Variants in PUM2 observed in about 807,000 individuals in gnomAD.
PUM2 encodes pumilio homolog 2.
In PUM2, 57 loss-of-function variants were observed where a neutral mutation model predicts 124.5. That is an observed-to-expected ratio of 0.46 (90% CI 0.37 to 0.57). The LOEUF is 0.57. Ranked by LOEUF, PUM2 falls within the 20% of genes least tolerant of loss-of-function variation. The pLI, the probability that PUM2 is intolerant of heterozygous loss-of-function variation, is 0.00. For synonymous variants in PUM2, 460 were observed against 446.1 expected, an observed-to-expected ratio of 1.03 and a Z score of -0.39; for missense variants, 1,065 against 1,290.6, an observed-to-expected ratio of 0.83 and a Z score of 2.68.
At chr2:20,260,614 A>G in intron 14 of PUM2, 148 bp from the exon 15 acceptor site, 1 of 620,046 alleles carries the variant, frequency 1.6e-6, no homozygotes, top group East Asian at 3.2e-5. Flanking sequence ...AGCAAAAAGG[A>G]CAAAAGTTAT....
chr2:20,272,884 T>C (rs986461346), intron 13 of PUM2, among the ~76,000 whole-genome samples: 6 of 152,184 alleles, frequency 3.9e-5, no homozygotes, highest in African/African-American at 1.4e-4. Context: ...CTGGATCCAT[T>C]CCTAGATATA....
chr2:20,271,551 C>A (rs1438489095), intron 13 of PUM2, among the ~76,000 whole-genome samples: 1 of 152,064 alleles, frequency 6.6e-6, no homozygotes, highest in African/African-American at 2.4e-5. Flanking sequence ...TGAGCTCAAG[C>A]AATACTCCCG....
chr2:20,255,414 T>TA, intron 17 of PUM2, 73 bp from the exon 18 acceptor site: 2 of 1,444,538 alleles, frequency 1.4e-6, no homozygotes, highest in Non-Finnish European at 1.9e-6. Flanking sequence ...CAGACTGGTT[T>TA]GTTTTTTTTT....
intron 9 of PUM2, 102 bp from the exon 10 acceptor site, chr2:20,290,892 T>A: frequency 1.1e-6 from 1 of 943,796 alleles, no homozygotes; most frequent in Non-Finnish European, 1.5e-6. Context: ...TTTGGATATT[T>A]TTTAAACATT....
intron 15 of PUM2, among the ~76,000 whole-genome samples, chr2:20,259,233 GGATT>G (rs1480793137): frequency 6.6e-6 from 1 of 152,122 alleles, no homozygotes; most frequent in Non-Finnish European, 1.5e-5. Flanking sequence ...ATATGAATCA[GGATT>G]AATAGCAAAT....
chr2:20,254,768 G>A, intron 19 of PUM2, 95 bp downstream of exon 19: 1 of 1,307,544 alleles, frequency 7.6e-7, no homozygotes, highest in Non-Finnish European at 1.0e-6. Flanking sequence ...AAAGACTACA[G>A]TTTAATGCTA....
At chr2:20,282,494 A>T (rs1671773016) in intron 12 of PUM2, among the ~76,000 whole-genome samples, 1 of 152,182 alleles carries the variant, frequency 6.6e-6, no homozygotes. Flanking sequence ...GGCCAAATTT[A>T]AAAACTGTAA....
intron 5 of PUM2, among the ~76,000 whole-genome samples, chr2:20,310,218 G>A (rs1299086834): frequency 6.6e-6 from 1 of 151,886 alleles, no homozygotes; most frequent in African/African-American, 2.4e-5. Flanking sequence ...AACTAATACT[G>A]TATCTAAAAT....
intron 7 of PUM2, among the ~76,000 whole-genome samples, chr2:20,298,521 T>C (rs1384168977): frequency 6.6e-6 from 1 of 152,194 alleles, no homozygotes; most frequent in Non-Finnish European, 1.5e-5. Context: ...TACAGGTCTT[T>C]CAACCACAGC....
Position 20,309,711 on chromosome 2 carries a change from T to C in PUM2, c.519-1127A>G, listed in dbSNP as rs531732484. Among the ~76,000 whole-genome samples the C allele has an allele frequency of 7.2e-5, 11 of 152,304 alleles. 1 individual carries two copies. The South Asian group carries it at 1.9e-3, about 26-fold the overall frequency. On this transcript the variant is annotated intron_variant, in intron 5 of 20. Transcript: ENST00000361078. ...AGTACATTAAGTAAATGGCAGTAAC[T>C]GTTCTACCTGGCTTTTAATGCCAGT...
At chr2:20,333,650 C>T (rs1047702677) in intron 1 of PUM2, among the ~76,000 whole-genome samples, 1 of 152,142 alleles carries the variant, frequency 6.6e-6, no homozygotes, top group African/African-American at 2.4e-5. Flanking sequence ...TGATGGTTCA[C>T]GCCTGTAATC....
chr2:20,270,246 A>G (rs1668707923), intron 13 of PUM2, among the ~76,000 whole-genome samples: 1 of 152,188 alleles, frequency 6.6e-6, no homozygotes, highest in South Asian at 2.1e-4. Context: ...TGGTTAATAC[A>G]TTTGGTAATA....
intron 12 of PUM2, 102 bp from the exon 13 acceptor site, chr2:20,278,921 A>G (rs1432227914): frequency 1.2e-6 from 1 of 824,756 alleles, no homozygotes. Context: ...CACAATAATT[A>G]TTTTTAGAAA....
intron 1 of PUM2, among the ~76,000 whole-genome samples, chr2:20,338,329 G>A (rs748708288): frequency 2.6e-5 from 4 of 152,060 alleles, no homozygotes; most frequent in African/African-American, 9.7e-5. Flanking sequence ...CCCAGGAGGC[G>A]GAGGTTGCAG....
At chr2:20,346,456 G>GACCT (rs1293252889) in intron 1 of PUM2, among the ~76,000 whole-genome samples, 18 of 152,094 alleles carry the variant, frequency 1.2e-4, no homozygotes, top group Admixed American at 1.0e-3. Flanking sequence ...GCCTAATAAA[G>GACCT]ACCTATACTT....
intron 2 of PUM2, among the ~76,000 whole-genome samples, 170 bp downstream of exon 2, chr2:20,327,140 T>TA (rs1683877180): frequency 6.6e-6 from 1 of 151,870 alleles, no homozygotes; most frequent in South Asian, 2.1e-4. Flanking sequence ...GCTTTTTTTT[T>TA]AAAGCTAAAA....
At chr2:20,332,800 T>C (rs1463222499) in intron 1 of PUM2, among the ~76,000 whole-genome samples, 1 of 152,226 alleles carries the variant, frequency 6.6e-6, no homozygotes, top group Non-Finnish European at 1.5e-5. Context: ...TAGGACCTAC[T>C]AGCAACTGGT....
intron 8 of PUM2, among the ~76,000 whole-genome samples, chr2:20,296,652 T>C (rs575454583): frequency 5.7e-5 from 7 of 122,670 alleles, no homozygotes; most frequent in African/African-American, 2.2e-4. Flanking sequence ...AGTCAGCCCA[T>C]TAGCAGACTC....
intron 8 of PUM2, among the ~76,000 whole-genome samples, chr2:20,295,540 G>C (rs1325633499): frequency 6.6e-6 from 1 of 150,424 alleles, no homozygotes; most frequent in Non-Finnish European, 1.5e-5. Flanking sequence ...CCAAAAAAAG[G>C]GTACATTGTA....
Sources: allele counts gnomAD v4.1 joint callset (sites outside exome capture counted in the v4.1 genomes callset), GRCh38; gene constraint gnomAD v4.1.1; transcripts MANE v1.5; gene names NCBI Gene and HGNC (gene_info 2026-07-23, HGNC 2026-07-21).